Variants in HAT1 observed in about 807,000 individuals in gnomAD.
The protein encoded by HAT1 is histone acetyltransferase 1.
A neutral mutation model predicts 56.6 loss-of-function variants in HAT1; 20 were observed. That is an observed-to-expected ratio of 0.35 (90% CI 0.25 to 0.51). The LOEUF (loss-of-function observed/expected upper bound fraction) is 0.51. Among genes scored for constraint, HAT1 ranks in the 20% least tolerant of loss-of-function variants. The probability of loss-of-function intolerance (pLI) is 0.95; values close to 1 mark genes in which losing one functional copy is unlikely to be tolerated. For synonymous variants in HAT1, 146 were observed against 165.5 expected, an observed-to-expected ratio of 0.88 and a Z score of 0.91; for missense variants, 408 against 504.3, an observed-to-expected ratio of 0.81 and a Z score of 1.83.
chr2:171,941,150 C>G (rs1687008494), intron 2 of HAT1, among the ~76,000 whole-genome samples: 1 of 152,110 alleles, frequency 6.6e-6, no homozygotes, highest in Non-Finnish European at 1.5e-5. Flanking sequence ...AGCCTGCCAC[C>G]AGATGCAGCT....
chr2:171,948,388 C>G (rs1405230552), intron 3 of HAT1, among the ~76,000 whole-genome samples: 1 of 152,130 alleles, frequency 6.6e-6, no homozygotes, highest in Non-Finnish European at 1.5e-5. Context: ...CCACACCCAG[C>G]TAATTTTTGT....
At position 171,976,261 on chromosome 2, in the gene HAT1, A is replaced by C; in HGVS notation, c.928A>C (p.Asn310His). The C allele has an allele frequency of 3.1e-6, 5 of 1,598,030 alleles. No homozygotes were observed. The highest frequency in any genetic ancestry group is 4.3e-6 in the Non-Finnish European group (5 of 1,170,886). Residue 310 changes from asparagine (N) to histidine (H), a missense_variant, in exon 9 of 11, where the codon AAT (asparagine) becomes CAT (histidine). Coordinates refer to ENST00000264108, the MANE Select transcript of HAT1 (RefSeq NM_003642.4). ...FSREKLMQGFNEDMVIEAQQK... is the reference protein window; with the variant it reads ...FSREKLMQGFHEDMVIEAQQK... The stretch of plus-strand genomic sequence containing the variant: ...CCGGGAAAAATTAATGCAAGGATTC[A>C]ATGAAGATATGGTGATAGAGGCACA...
At chr2:171,945,675 A>T (rs1379061903) in intron 2 of HAT1, among the ~76,000 whole-genome samples, 1 of 149,428 alleles carries the variant, frequency 6.7e-6, no homozygotes, top group African/African-American at 2.5e-5. Context: ...TTATTTATTT[A>T]TTTATTTTTT....
intron 4 of HAT1, among the ~76,000 whole-genome samples, chr2:171,958,894 A>G (rs1039410659): frequency 2.6e-5 from 4 of 152,194 alleles, no homozygotes; most frequent in African/African-American, 9.7e-5. Context: ...GTTTCATATA[A>G]TATGAATTGT....
intron 8 of HAT1, among the ~76,000 whole-genome samples, chr2:171,970,967 G>A (rs1039654792): frequency 2.0e-5 from 3 of 151,906 alleles, no homozygotes; most frequent in Non-Finnish European, 4.4e-5. Flanking sequence ...TTGGGAGGCC[G>A]AGGCGGGCAG....
At chr2:171,971,483 G>C (rs1193570979) in intron 8 of HAT1, among the ~76,000 whole-genome samples, 1 of 152,178 alleles carries the variant, frequency 6.6e-6, no homozygotes, top group African/African-American at 2.4e-5. Context: ...TATGATGTGA[G>C]GTAAGTATCT....
intron 2 of HAT1, among the ~76,000 whole-genome samples, chr2:171,930,312 C>T (rs545612281): frequency 8.5e-5 from 13 of 152,154 alleles, no homozygotes; most frequent in East Asian, 7.7e-4. Flanking sequence ...GCTGGGACTC[C>T]GCATACACCA....
chr2:171,962,455 C>T (rs552086541), intron 4 of HAT1, among the ~76,000 whole-genome samples: 3 of 152,280 alleles, frequency 2.0e-5, no homozygotes, highest in Non-Finnish European at 2.9e-5. Context: ...AGTGCAGTGG[C>T]GCAGTCTTGG....
intron 4 of HAT1, 146 bp downstream of exon 4, chr2:171,953,147 C>G: frequency 2.2e-6 from 1 of 451,286 alleles, no homozygotes; most frequent in Non-Finnish European, 3.9e-6. Context: ...GAGTTCGAGA[C>G]CAGCCTGGCC....
intron 4 of HAT1, among the ~76,000 whole-genome samples, chr2:171,962,453 G>T (rs1687596809): frequency 6.6e-6 from 1 of 152,212 alleles, no homozygotes; most frequent in South Asian, 2.1e-4. Context: ...GGAGTGCAGT[G>T]GCGCAGTCTT....
intron 8 of HAT1, among the ~76,000 whole-genome samples, chr2:171,972,986 A>G (rs954183404): frequency 2.0e-5 from 3 of 152,088 alleles, no homozygotes; most frequent in Non-Finnish European, 4.4e-5. Context: ...TATGGCATCC[A>G]ATTGGGGTTC....
intron 2 of HAT1, among the ~76,000 whole-genome samples, chr2:171,937,756 A>G (rs1686906070): frequency 6.6e-6 from 1 of 152,136 alleles, no homozygotes; most frequent in Non-Finnish European, 1.5e-5. Flanking sequence ...ATGGTTAATT[A>G]TAGTAATGGA....
chr2:171,927,752 T>G (rs1470625081), intron 2 of HAT1, among the ~76,000 whole-genome samples: 2 of 150,982 alleles, frequency 1.3e-5, no homozygotes, highest in African/African-American at 4.9e-5. Context: ...CAGCCCTGGG[T>G]AATTTTTTTG....
At chr2:171,958,984 G>C (rs6757680) in intron 4 of HAT1, among the ~76,000 whole-genome samples, 1 of 151,914 alleles carries the variant, frequency 6.6e-6, no homozygotes, top group Non-Finnish European at 1.5e-5. Context: ...GTTCTATTTG[G>C]TTTTTTTGTG....
chr2:171,972,592 C>T (rs1687844917), intron 8 of HAT1, among the ~76,000 whole-genome samples: 1 of 152,216 alleles, frequency 6.6e-6, no homozygotes, highest in African/African-American at 2.4e-5. Flanking sequence ...AGCAGGTGCC[C>T]TGCCCCAACC....
chr2:171,976,191 A>G lies in HAT1; in HGVS notation c.858A>G (p.Arg286=). The change falls in exon 9 of 11, where the codon CGA becomes CGG. Residue 286 remains arginine (R), a synonymous_variant. Transcript: ENST00000264108. Reference sequence around the variant, plus strand: ...CATCCAAAAGCTATGTGAAATTACGAGACTTTGTGCTTGTGAAGCTTTGTC... The same window carrying G: ...CATCCAAAAGCTATGTGAAATTACGGGACTTTGTGCTTGTGAAGCTTTGTC... ...EDPSKSYVKL[R]DFVLVKLCQD... is the part of the protein sequence containing the mutation. 1 of 1,594,956 alleles carries G rather than the reference A, an allele frequency of 6.3e-7. No homozygotes were observed. Among genetic ancestry groups the G allele is most frequent in the Non-Finnish European group, 8.5e-7 (1 of 1,170,162 alleles).
intron 8 of HAT1, among the ~76,000 whole-genome samples, chr2:171,968,661 C>T (rs1167343473): frequency 6.6e-6 from 1 of 152,138 alleles, no homozygotes; most frequent in East Asian, 1.9e-4. Context: ...CCTTTATTTT[C>T]AGCATTAACA....
chr2:171,947,210 A>AT (rs1204109334), intron 3 of HAT1, among the ~76,000 whole-genome samples: 13 of 152,128 alleles, frequency 8.5e-5, no homozygotes, highest in African/African-American at 3.1e-4. Flanking sequence ...TTAAGTTGTT[A>AT]TTCTATGATC....
chr2:171,943,422 A>G (rs1687077880), intron 2 of HAT1, among the ~76,000 whole-genome samples: 1 of 148,170 alleles, frequency 6.7e-6, no homozygotes, highest in Non-Finnish European at 1.5e-5. Context: ...AAAAAAAAAA[A>G]AAAAAAAAAA....
Sources: allele counts gnomAD v4.1 joint callset (sites outside exome capture counted in the v4.1 genomes callset), GRCh38; gene constraint gnomAD v4.1.1; transcripts MANE v1.5; gene names NCBI Gene and HGNC (gene_info 2026-07-23, HGNC 2026-07-21).